The following ORC4 variants were observed in gnomAD, a reference collection of about 807,000 sequenced individuals.
ORC4 encodes origin recognition complex, subunit 4 homolog.
ORC4 carries 55 observed loss-of-function variants against 63.9 expected under a neutral mutation model. The ratio of observed to expected loss-of-function variants is 0.86; its 90% CI spans 0.69 to 1.08. ORC4 has a LOEUF of 1.08. ORC4 is among the 50% of genes least tolerant of loss of function. The pLI is 0.00. For missense variants in ORC4, 511 were observed against 504.4 expected (o/e 1.01, Z -0.13); for synonymous variants, 150 against 168.5 (o/e 0.89, Z 0.85).
intron 1 of ORC4, among the ~76,000 whole-genome samples, chr2:147,988,052 CAA>C (rs1213881150): frequency 4.7e-4 from 28 of 60,210 alleles, no homozygotes; most frequent in Admixed American, 5.6e-4. Flanking sequence ...GACTCTGTCT[CAA>C]AAAAAAAAAA....
chr2:147,993,493 G>C (rs908968432), intron 1 of ORC4, among the ~76,000 whole-genome samples: 2 of 152,100 alleles, frequency 1.3e-5, no homozygotes, highest in Non-Finnish European at 2.9e-5. Flanking sequence ...TGTTTCTAAT[G>C]AGACCCTTCA....
intron 2 of ORC4, among the ~76,000 whole-genome samples, chr2:147,975,578 A>G (rs1444899421): frequency 1.3e-5 from 2 of 152,042 alleles, no homozygotes; most frequent in Non-Finnish European, 2.9e-5. Context: ...CAGACTTAAT[A>G]AGGATAAAAT....
chr2:147,934,877 G>A lies in ORC4; in HGVS notation c.*633C>T, dbSNP rs1002102231. The A allele has an allele frequency of 2.0e-5, 3 of 152,252 alleles. No homozygotes were observed. Among genetic ancestry groups the A allele is most frequent in the African/African-American group, 7.2e-5 (3 of 41,418 alleles). The allele number at this position is 152,252 out of a possible 1,614,324, so 9.4% of individuals were successfully genotyped here. A position where few individuals can be genotyped will look rare whatever the true frequency, so the allele number is the denominator to read the frequency against. ...GAAAATTCCAGTCCTTTTGACCTAT[G>A]GTAGGCTCAACAATCTGTAATTTTA... On this transcript the variant is annotated 3_prime_UTR_variant, in exon 14 of 14. Coordinates refer to ENST00000392857, the MANE Select transcript of ORC4 (RefSeq NM_181741.4).
chr2:147,956,580 T>C (rs571196260), intron 6 of ORC4, among the ~76,000 whole-genome samples: 3 of 152,226 alleles, frequency 2.0e-5, no homozygotes, highest in Admixed American at 6.5e-5. Context: ...GCAACCTAAT[T>C]ATGCTCTCTG....
intron 8 of ORC4, among the ~76,000 whole-genome samples, chr2:147,950,130 A>G (rs1688872758): frequency 6.6e-6 from 1 of 152,188 alleles, no homozygotes; most frequent in African/African-American, 2.4e-5. Flanking sequence ...GAACTAAAAG[A>G]CAAGAAAGGT....
At chr2:148,005,674 A>AC (rs1190238379) in intron 1 of ORC4, among the ~76,000 whole-genome samples, 38 of 150,508 alleles carry the variant, frequency 2.5e-4, no homozygotes, top group African/African-American at 9.1e-4. Flanking sequence ...AAAAAAAAAA[A>AC]AAAAAACAAC....
upstream of ORC4, chr2:148,021,463 T>TTGCTGC (rs569896406): frequency 2.1e-5 from 12 of 573,774 alleles, no homozygotes; most frequent in Admixed American, 1.1e-4. Context: ...GCTGCTGCTG[T>TTGCTGC]TGCTGCTGCT....
chr2:147,954,019 A>T (rs1689113589), intron 7 of ORC4, among the ~76,000 whole-genome samples: 1 of 151,610 alleles, frequency 6.6e-6, no homozygotes, highest in Admixed American at 6.6e-5. Context: ...TTTACAGGTA[A>T]AATCAGAATA....
At chr2:147,985,718 G>A (rs1319463424) in intron 1 of ORC4, among the ~76,000 whole-genome samples, 1 of 152,054 alleles carries the variant, frequency 6.6e-6, no homozygotes, top group Non-Finnish European at 1.5e-5. Context: ...AAACTTTGTG[G>A]GAGAAGCAAC....
chr2:147,983,206 T>C (rs1690991781), intron 1 of ORC4, among the ~76,000 whole-genome samples: 1 of 152,220 alleles, frequency 6.6e-6, no homozygotes, highest in African/African-American at 2.4e-5. Flanking sequence ...ACATAGCAAT[T>C]GCACTCTTGG....
At chr2:147,995,728 A>G (rs867792979) in intron 1 of ORC4, among the ~76,000 whole-genome samples, 11 of 151,978 alleles carry the variant, frequency 7.2e-5, no homozygotes, top group Non-Finnish European at 1.3e-4. Context: ...GAGACCACGA[A>G]CCCAATGGAA....
intron 11 of ORC4, among the ~76,000 whole-genome samples, 173 bp downstream of exon 11, chr2:147,938,967 T>TC (rs1213449377): frequency 6.6e-6 from 1 of 152,162 alleles, no homozygotes; most frequent in East Asian, 1.9e-4. Flanking sequence ...AATTTTTTTT[T>TC]CACTTTAAAT....
intron 1 of ORC4, among the ~76,000 whole-genome samples, chr2:147,985,685 G>A (rs1691159730): frequency 6.6e-6 from 1 of 152,146 alleles, no homozygotes; most frequent in Non-Finnish European, 1.5e-5. Flanking sequence ...TCTAATCACT[G>A]TTTTTTAGAC....
Position 147,943,537 on chromosome 2 carries a change from A to G in ORC4, c.763-15T>C, listed in dbSNP as rs201590838. ...TCTGAGAGATACTAAAAGGAAAAAA[A>G]AAAAAAAAGCCAAAATTGAGGAAAG... is the stretch of plus-strand genomic sequence containing the variant. On this transcript the variant is annotated splice_polypyrimidine_tract_variant and intron_variant, in intron 9 of 13. Coordinates refer to ENST00000392857, the MANE Select transcript of ORC4 (RefSeq NM_181741.4). 2 of 1,506,784 alleles carry G rather than the reference A, an allele frequency of 1.3e-6. No individual in the cohort carries two copies. Among genetic ancestry groups the G allele is most frequent in the Non-Finnish European group, 1.8e-6 (2 of 1,086,900 alleles). 93.3% of individuals were successfully genotyped at this position (1,506,784 alleles called of 1,614,324 possible). A position where few individuals can be genotyped will look rare whatever the true frequency, so the allele number is the denominator to read the frequency against.
At chr2:148,017,266 G>T (rs974950925) in intron 1 of ORC4, among the ~76,000 whole-genome samples, 5 of 152,116 alleles carry the variant, frequency 3.3e-5, no homozygotes, top group Non-Finnish European at 5.9e-5. Flanking sequence ...AAAAGCTGAG[G>T]TATTTTACAT....
At chr2:147,982,738 G>A (rs1690963499) in intron 1 of ORC4, among the ~76,000 whole-genome samples, 1 of 152,124 alleles carries the variant, frequency 6.6e-6, no homozygotes, top group African/African-American at 2.4e-5. Context: ...CCCCCTTCAT[G>A]TAATGGTCAA....
intron 9 of ORC4, among the ~76,000 whole-genome samples, chr2:147,946,281 T>C (rs1026885295): frequency 7.3e-5 from 11 of 149,812 alleles, no homozygotes; most frequent in Admixed American, 6.7e-4. Flanking sequence ...GAAGATTAAG[T>C]GTGAGCAGGT....
rs1328949776 is a variant in ORC4, at chr2:147,932,763, G to A, written c.*2747C>T. 2.0e-5 allele frequency: 3 copies of A among 152,146 alleles called. No individual in the cohort carries two copies. The highest frequency in any genetic ancestry group is 4.8e-5 in the African/African-American group (2 of 41,426). 9.4% of individuals were successfully genotyped at this position (152,146 alleles called of 1,614,324 possible). On this transcript the variant is annotated 3_prime_UTR_variant, in exon 14 of 14. Transcript: ENST00000392857. ...GATTCTCAGATTTTCTAGGGTAAAGGTGAAGGATGGGGCAGCACTTAGGTT... is the reference window on the plus strand; with the variant it reads ...GATTCTCAGATTTTCTAGGGTAAAGATGAAGGATGGGGCAGCACTTAGGTT...
chr2:148,011,951 CACAA>C (rs561308760), intron 1 of ORC4, among the ~76,000 whole-genome samples: 4 of 151,738 alleles, frequency 2.6e-5, no homozygotes, highest in Non-Finnish European at 5.9e-5. Flanking sequence ...TTGAAGAGGA[CACAA>C]ACAAATGAAA....
Sources: gnomAD v4.1 joint callset for allele counts (sites outside exome capture counted in the v4.1 genomes callset) on GRCh38, gnomAD v4.1.1 for gene constraint, MANE v1.5 for transcripts, NCBI Gene and HGNC (gene_info 2026-07-23, HGNC 2026-07-21) for gene names.